TANC2: variants seen among roughly 807,000 people sequenced by gnomAD.
TANC2 encodes tetratricopeptide repeat, ankyrin repeat and coiled-coil containing 2, also known as protein TANC2.
In TANC2, 26 loss-of-function variants were observed where a neutral mutation model predicts 210.5. The observed-to-expected ratio is 0.12, with a 90% confidence interval of 0.09 to 0.17. TANC2 has a LOEUF of 0.17. TANC2 is among the 10% of genes least tolerant of loss of function. TANC2 has a pLI of 1.00. For missense variants in TANC2, 2,129 were observed against 2,608.9 expected (o/e 0.82, Z 4.01); for synonymous variants, 931 against 967.1 (o/e 0.96, Z 0.69).
intron 7 of TANC2, among the ~76,000 whole-genome samples, chr17:63,235,946 G>A (rs1323637148): frequency 6.6e-6 from 1 of 151,824 alleles, no homozygotes; most frequent in African/African-American, 2.4e-5. Flanking sequence ...TAAAATTCAA[G>A]AGACCTTTCA....
At chr17:63,351,527 T>C in intron 13 of TANC2, 111 bp downstream of exon 13, 1 of 762,512 alleles carries the variant, frequency 1.3e-6, no homozygotes, top group Admixed American at 4.1e-5. Context: ...TAGAGCATTA[T>C]GAAGAATAAT....
chr17:63,013,010 T>C (rs2033941385), intron 2 of TANC2, among the ~76,000 whole-genome samples: 1 of 152,136 alleles, frequency 6.6e-6, no homozygotes, highest in South Asian at 2.1e-4. Context: ...CAAACTTTAC[T>C]TTTGTTTATC....
chr17:63,341,501 G>A (rs924832311), intron 12 of TANC2, among the ~76,000 whole-genome samples: 35 of 152,226 alleles, frequency 2.3e-4, no homozygotes, highest in African/African-American at 8.2e-4. Flanking sequence ...CCTGGTTCTC[G>A]AGTTTAGTGC....
In TANC2 at chr17:62,988,295, CTT is replaced by C. The variant is rs59386058; in HGVS notation, c.-23-21221_-23-21220del. ...GGCGTGCACCACCACACCTGGCTAA[CTT>C]TTTTTTTTTTTTTTTTTTTTAGTAG... is the stretch of plus-strand genomic sequence containing the variant. On this transcript the variant is annotated intron_variant, in intron 1 of 27. Transcript: ENST00000689528. Among the ~76,000 whole-genome samples, 37 of 111,736 alleles carry C rather than the reference CTT, an allele frequency of 3.3e-4. No individual in the cohort carries two copies. In the East Asian group the frequency reaches 4.6e-3, roughly 14 times the overall value. The allele number at this position is 111,736 out of a possible 152,430, so 73.3% of individuals were successfully genotyped here. A position where few individuals can be genotyped will look rare whatever the true frequency, so the allele number is the denominator to read the frequency against.
At chr17:63,134,982 C>T (rs367980439) in intron 4 of TANC2, among the ~76,000 whole-genome samples, 82 of 152,160 alleles carry the variant, frequency 5.4e-4, no homozygotes, top group East Asian at 2.1e-3. Context: ...TTTGGGAGGC[C>T]GAGGCAGGAG....
intron 8 of TANC2, among the ~76,000 whole-genome samples, chr17:63,254,474 C>G (rs778986371): frequency 3.9e-5 from 6 of 152,100 alleles, no homozygotes; most frequent in Admixed American, 2.6e-4. Context: ...ATTTCTTTCT[C>G]TTGTCTGATT....
intron 8 of TANC2, among the ~76,000 whole-genome samples, chr17:63,265,031 C>T (rs951380103): frequency 6.6e-6 from 1 of 152,204 alleles, no homozygotes; most frequent in Non-Finnish European, 1.5e-5. Flanking sequence ...CTCTAAATGT[C>T]ATGATATCAA....
intron 9 of TANC2, among the ~76,000 whole-genome samples, chr17:63,309,939 G>T (rs1165209940): frequency 7.0e-6 from 1 of 142,000 alleles, no homozygotes; most frequent in Non-Finnish European, 1.5e-5. Flanking sequence ...AATTTAAATT[G>T]TCACTGGTAA....
chr17:63,164,571 G>C (rs1321232739), intron 5 of TANC2, among the ~76,000 whole-genome samples: 1 of 152,074 alleles, frequency 6.6e-6, no homozygotes, highest in African/African-American at 2.4e-5. Context: ...ATGAGGGATT[G>C]TCTCAGGCAA....
intron 11 of TANC2, among the ~76,000 whole-genome samples, chr17:63,337,922 A>C (rs2046091746): frequency 6.6e-6 from 1 of 152,186 alleles, no homozygotes; most frequent in Admixed American, 6.5e-5. Flanking sequence ...CTCCAGTTCC[A>C]TCCGTGTTCC....
At chr17:63,406,324 C>T (rs746136899) in intron 21 of TANC2, 47 bp downstream of exon 21, 9 of 1,601,048 alleles carry the variant, frequency 5.6e-6, no homozygotes, top group African/African-American at 1.3e-5. Context: ...CCATAATTAC[C>T]TGGTGAACTC....
chr17:63,067,106 T>G (rs1437404182), intron 2 of TANC2, among the ~76,000 whole-genome samples: 2 of 152,186 alleles, frequency 1.3e-5, no homozygotes, highest in African/African-American at 4.8e-5. Context: ...AACTAACATT[T>G]CCTGTAGTAT....
At chr17:63,343,403 C>T (rs1034923141) in intron 12 of TANC2, among the ~76,000 whole-genome samples, 1 of 152,190 alleles carries the variant, frequency 6.6e-6, no homozygotes, top group African/African-American at 2.4e-5. Flanking sequence ...TAGATGTATG[C>T]ACCTAATAAC....
intron 1 of TANC2, among the ~76,000 whole-genome samples, chr17:62,997,757 A>G (rs972371977): frequency 2.0e-5 from 3 of 152,190 alleles, no homozygotes; most frequent in African/African-American, 7.2e-5. Flanking sequence ...GGTATAATTT[A>G]TTTATTTGGC....
rs115808111 is a variant in TANC2, at chr17:63,221,621, T to G, written c.770-16193T>G. Among the ~76,000 whole-genome samples, 554 of 152,202 alleles carry G rather than the reference T, an allele frequency of 3.6e-3. 6 individuals are homozygous for G. Among genetic ancestry groups the G allele is most frequent in the African/African-American group, 0.013 (544 of 41,524 alleles). Reference sequence around the variant, plus strand: ...ATGAGCAAGCGATTTGAACAGATACTTCACAGATGAAAGCATATGAATAAC... The same window carrying G: ...ATGAGCAAGCGATTTGAACAGATACGTCACAGATGAAAGCATATGAATAAC... On this transcript the variant is annotated intron_variant, in intron 7 of 27. Transcript: ENST00000689528.
chr17:63,005,342 G>A (rs746082891), intron 1 of TANC2, among the ~76,000 whole-genome samples: 1 of 152,108 alleles, frequency 6.6e-6, no homozygotes, highest in East Asian at 1.9e-4. Context: ...CAACAAGAAA[G>A]AGCTGTAGAG....
At chr17:63,199,444 C>T (rs193269359) in intron 6 of TANC2, among the ~76,000 whole-genome samples, 166 of 152,006 alleles carry the variant, frequency 1.1e-3, no homozygotes, top group South Asian at 3.3e-3. Flanking sequence ...GACAGTGAAA[C>T]CCCGTCTCTA....
chr17:63,125,428 G>T (rs781122184), intron 4 of TANC2, among the ~76,000 whole-genome samples: 1 of 152,152 alleles, frequency 6.6e-6, no homozygotes, highest in Non-Finnish European at 1.5e-5. Flanking sequence ...GAGAAGGGAA[G>T]CCGTTTTTTA....
chr17:63,239,421 A>T (rs2042714187), intron 8 of TANC2, among the ~76,000 whole-genome samples: 1 of 152,172 alleles, frequency 6.6e-6, no homozygotes, highest in Non-Finnish European at 1.5e-5. Context: ...TGGATAGATT[A>T]TCTCACTGAT....
Sources: gnomAD v4.1 joint callset for allele counts (sites outside exome capture counted in the v4.1 genomes callset) on GRCh38, gnomAD v4.1.1 for gene constraint, MANE v1.5 for transcripts, NCBI Gene and HGNC (gene_info 2026-07-23, HGNC 2026-07-21) for gene names.